Variants in EYA2 observed in about 807,000 individuals in gnomAD.
EYA2 encodes the protein protein phosphatase EYA2.
Under a neutral mutation model 69.2 loss-of-function variants are expected in EYA2, and 31 were observed. The ratio of observed to expected loss-of-function variants is 0.45; its 90% CI spans 0.34 to 0.60. EYA2 has a LOEUF of 0.60. EYA2 is among the 20% of genes least tolerant of loss of function. The probability of loss-of-function intolerance (pLI) is 0.02; values close to 1 mark genes in which losing one functional copy is unlikely to be tolerated. For synonymous variants in EYA2, 257 were observed against 279.4 expected (o/e 0.92, Z 0.80); for missense variants, 622 against 701.2 (o/e 0.89, Z 1.28).
At chr20:46,927,308 A>G (rs1282517982) in intron 1 of EYA2, among the ~76,000 whole-genome samples, 2 of 152,222 alleles carry the variant, frequency 1.3e-5, no homozygotes, top group Non-Finnish European at 2.9e-5. Context: ...ACAGTGTGAC[A>G]TATGAGCCCC....
At chr20:47,142,925 A>G in intron 9 of EYA2, 134 bp from the exon 10 acceptor site, 1 of 578,484 alleles carries the variant, frequency 1.7e-6, no homozygotes, top group Non-Finnish European at 2.9e-6. Context: ...ACAGAGACTC[A>G]TTTTAGGCCA....
chr20:47,076,948 T>C (rs1166286373), intron 7 of EYA2, among the ~76,000 whole-genome samples: 1 of 152,154 alleles, frequency 6.6e-6, no homozygotes, highest in African/African-American at 2.4e-5. Flanking sequence ...TTGGCCCAGC[T>C]TAGGTCACAT....
intron 1 of EYA2, among the ~76,000 whole-genome samples, chr20:46,959,934 G>A (rs1401336970): frequency 1.3e-5 from 2 of 152,142 alleles, no homozygotes; most frequent in Non-Finnish European, 2.9e-5. Flanking sequence ...GCCGTGGGGG[G>A]AATATGGGAA....
At chr20:46,968,163 T>C (rs1261300928) in intron 1 of EYA2, among the ~76,000 whole-genome samples, 2 of 152,340 alleles carry the variant, frequency 1.3e-5, no homozygotes, top group East Asian at 3.9e-4. Flanking sequence ...TGGCTTCTGA[T>C]GTCCTGTGAC....
At position 46,990,236 on chromosome 20, in the gene EYA2, C is replaced by G. The variant is rs950203767; in HGVS notation, c.109+117C>G. On this transcript the variant is annotated intron_variant, in intron 2 of 15. Coordinates refer to ENST00000327619, the MANE Select transcript of EYA2 (RefSeq NM_005244.5). Reference sequence around the variant, plus strand: ...AAGTACTGTCCTTAGGACAATTTCTCCCCCTGCCATTTAAATGCTTGCCTC... The same window carrying G: ...AAGTACTGTCCTTAGGACAATTTCTGCCCCTGCCATTTAAATGCTTGCCTC... The G allele has an allele frequency of 2.0e-4, 110 of 541,072 alleles. 1 individual carries two copies. The Admixed American group carries it at 2.9e-3, about 14-fold the overall frequency. 33.5% of individuals were successfully genotyped at this position (541,072 alleles called of 1,614,324 possible). A position where few individuals can be genotyped will look rare whatever the true frequency, so the allele number is the denominator to read the frequency against.
Position 46,924,669 on chromosome 20 carries a change from C to CAAAAAAAA in EYA2, c.-11+29699_-11+29706dup, listed in dbSNP as rs10568771. Reference sequence around the variant, plus strand: ...TGGCCAATAGAGCGAGACTCCATCTCAAAAAAAAAAAAAAAAAAAAAAAAG... The same window carrying CAAAAAAAA: ...TGGCCAATAGAGCGAGACTCCATCTCAAAAAAAAAAAAAAAAAAAAAAAAAAAAAAAAG... On this transcript the variant is annotated intron_variant, in intron 1 of 15. Transcript: ENST00000327619. Among the ~76,000 whole-genome samples the CAAAAAAAA allele has an allele frequency of 3.5e-3, 310 of 88,318 alleles. 17 individuals carry two copies. The highest frequency in any genetic ancestry group is 0.016 in the African/African-American group (282 of 17,222). The allele number at this position is 88,318 out of a possible 152,430, so 57.9% of individuals were successfully genotyped here.
intron 1 of EYA2, among the ~76,000 whole-genome samples, chr20:46,987,960 CTCTCTA>C (rs1269935721): frequency 8.3e-5 from 2 of 24,084 alleles, no homozygotes; most frequent in African/African-American, 1.8e-4. Context: ...CTCTCTCTCT[CTCTCTA>C]TATATATATA....
At chr20:47,025,329 C>T (rs984010446) in intron 5 of EYA2, among the ~76,000 whole-genome samples, 3 of 152,130 alleles carry the variant, frequency 2.0e-5, no homozygotes, top group Non-Finnish European at 4.4e-5. Flanking sequence ...TTTTAGTGCA[C>T]AGGTTTGCAT....
At chr20:46,990,500 A>G (rs1981586435) in intron 2 of EYA2, among the ~76,000 whole-genome samples, 1 of 152,164 alleles carries the variant, frequency 6.6e-6, no homozygotes, top group African/African-American at 2.4e-5. Flanking sequence ...CCCCTTGTCC[A>G]AGCAGGCGTC....
chr20:47,019,232 C>T (rs1983602697), intron 5 of EYA2, among the ~76,000 whole-genome samples: 2 of 152,202 alleles, frequency 1.3e-5, no homozygotes, highest in East Asian at 1.9e-4. Flanking sequence ...GCTCTCTTCT[C>T]GCCCTACCAT....
chr20:47,064,229 T>A (rs991268183), intron 5 of EYA2, among the ~76,000 whole-genome samples: 10 of 152,338 alleles, frequency 6.6e-5, no homozygotes, highest in Admixed American at 3.3e-4. Flanking sequence ...AGTGCTGGGA[T>A]TATAGGTATG....
At chr20:47,187,670 G>A (rs1426410758) in intron 15 of EYA2, among the ~76,000 whole-genome samples, 1 of 152,202 alleles carries the variant, frequency 6.6e-6, no homozygotes, top group African/African-American at 2.4e-5. Flanking sequence ...CCAAAGTGCT[G>A]GGATTACAAA....
At chr20:47,098,604 GA>G (rs1037016652) in intron 9 of EYA2, among the ~76,000 whole-genome samples, 51 of 152,276 alleles carry the variant, frequency 3.3e-4, no homozygotes, top group African/African-American at 1.2e-3. Context: ...ACAAAGCCCC[GA>G]GTTCCTTTCT....
At chr20:47,018,287 G>A (rs1244315842) in intron 5 of EYA2, among the ~76,000 whole-genome samples, 2 of 152,010 alleles carry the variant, frequency 1.3e-5, no homozygotes, top group Admixed American at 6.6e-5. Context: ...AAGTTATGTA[G>A]GAGAGGCCCC....
At chr20:47,071,161 C>T (rs544300966) in intron 5 of EYA2, among the ~76,000 whole-genome samples, 1 of 152,258 alleles carries the variant, frequency 6.6e-6, no homozygotes, top group East Asian at 1.9e-4. Context: ...AGGCACACAC[C>T]ACCACGCCTG....
chr20:46,932,223 G>C (rs943236868), intron 1 of EYA2, among the ~76,000 whole-genome samples: 16 of 151,906 alleles, frequency 1.1e-4, no homozygotes, highest in African/African-American at 3.9e-4. Context: ...GCACCTCCAG[G>C]CTCAGTCCGT....
intron 4 of EYA2, among the ~76,000 whole-genome samples, chr20:47,008,420 G>T (rs879570781): frequency 6.6e-6 from 1 of 152,200 alleles, no homozygotes; most frequent in Non-Finnish European, 1.5e-5. Flanking sequence ...AATCCCGGGG[G>T]ATTACCTATG....
intron 4 of EYA2, among the ~76,000 whole-genome samples, chr20:47,013,333 T>G (rs936682853): frequency 6.6e-6 from 1 of 152,176 alleles, no homozygotes; most frequent in African/African-American, 2.4e-5. Flanking sequence ...ATTTGCCTGA[T>G]AGAGAAGAGG....
chr20:47,180,619 AT>A (rs1453962487), intron 13 of EYA2, among the ~76,000 whole-genome samples, 195 bp from the exon 14 acceptor site: 1 of 152,194 alleles, frequency 6.6e-6, no homozygotes, highest in Non-Finnish European at 1.5e-5. Context: ...CCCATACTAC[AT>A]TTCACTATGT....
Sources: allele counts gnomAD v4.1 joint callset (sites outside exome capture counted in the v4.1 genomes callset), GRCh38; gene constraint gnomAD v4.1.1; transcripts MANE v1.5; gene names NCBI Gene and HGNC (gene_info 2026-07-23, HGNC 2026-07-21).